PKIA: variants seen among roughly 807,000 people sequenced by gnomAD.
PKIA encodes the protein PKI-alpha.
A neutral mutation model predicts 7.6 loss-of-function variants in PKIA; 4 were observed. The observed-to-expected ratio is 0.52, with a 90% CI of 0.26 to 1.20. The LOEUF (loss-of-function observed/expected upper bound fraction) is 1.20. Among genes scored for constraint, PKIA ranks in the 50% most tolerant of loss-of-function variants. The pLI, the probability that PKIA is intolerant of heterozygous loss-of-function variation, is 0.13. For missense variants in PKIA, 73 were observed against 86.2 expected, an observed-to-expected ratio of 0.85 and a Z score of 0.61; for synonymous variants, 21 against 30.7, an observed-to-expected ratio of 0.68 and a Z score of 1.04.
chr8:78,597,369 C>T (rs1323268673), intron 2 of PKIA, among the ~76,000 whole-genome samples: 1 of 152,142 alleles, frequency 6.6e-6, no homozygotes, highest in Non-Finnish European at 1.5e-5. Context: ...GTGTTTGTTA[C>T]TCCTCTCAAG....
intron 1 of PKIA, among the ~76,000 whole-genome samples, chr8:78,568,101 G>C (rs918907541): frequency 2.0e-5 from 3 of 152,044 alleles, no homozygotes; most frequent in South Asian, 4.1e-4. Context: ...ATTGTTTCTA[G>C]GTTGTCTTAG....
chr8:78,601,871 G>C lies in PKIA; in HGVS notation c.*50G>C, dbSNP rs191674190. On this transcript the variant is annotated 3_prime_UTR_variant, in exon 4 of 4. Coordinates refer to ENST00000396418, the MANE Select transcript of PKIA (RefSeq NM_006823.4). The stretch of plus-strand genomic sequence containing the variant: ...ACCTGAAAATGTCTCAAATCTCCAG[G>C]AGTATCTGGAATGCATTTGTTTCCA... The C allele has an allele frequency of 7.4e-7, 1 of 1,359,634 alleles. No homozygotes were observed. The highest frequency in any genetic ancestry group is 1.0e-6 in the Non-Finnish European group (1 of 954,056). The allele number at this position is 1,359,634 out of a possible 1,614,324, so 84.2% of individuals were successfully genotyped here.
At chr8:78,595,304 C>T (rs1808201535) in intron 2 of PKIA, among the ~76,000 whole-genome samples, 1 of 151,984 alleles carries the variant, frequency 6.6e-6, no homozygotes, top group Admixed American at 6.6e-5. Context: ...TTAAAGACAG[C>T]ATCAGTATAA....
At chr8:78,591,750 C>CT (rs1354963889) in intron 2 of PKIA, among the ~76,000 whole-genome samples, 1 of 152,078 alleles carries the variant, frequency 6.6e-6, no homozygotes, top group Admixed American at 6.5e-5. Context: ...ATTACCTTGT[C>CT]TGTATTCAAT....
intron 1 of PKIA, among the ~76,000 whole-genome samples, chr8:78,536,564 A>G (rs1171878630): frequency 6.6e-6 from 1 of 152,106 alleles, no homozygotes; most frequent in Non-Finnish European, 1.5e-5. Context: ...TAGCCTGAGG[A>G]CAAGGTGGCA....
At chr8:78,558,644 C>T (rs1431638154) in intron 1 of PKIA, 1 of 150,548 alleles carries the variant, frequency 6.6e-6, no homozygotes, top group African/African-American at 2.5e-5. Flanking sequence ...TGGGTCCCTC[C>T]TGTGACATGT....
chr8:78,589,836 C>T (rs1469914207), intron 2 of PKIA, among the ~76,000 whole-genome samples: 1 of 152,100 alleles, frequency 6.6e-6, no homozygotes, highest in African/African-American at 2.4e-5. Flanking sequence ...TCTCATGAAG[C>T]ACTTCTGTTG....
intron 1 of PKIA, among the ~76,000 whole-genome samples, chr8:78,551,835 A>AT (rs1276081942): frequency 6.6e-6 from 1 of 152,008 alleles, no homozygotes; most frequent in Non-Finnish European, 1.5e-5. Context: ...TGCTAATGAA[A>AT]TATCTCTGTT....
At position 78,537,227 on chromosome 8, in the gene PKIA, CCT is replaced by C. The variant is rs1404636406; in HGVS notation, c.-157+20760_-157+20761del. Reference sequence around the variant, plus strand: ...CTCATAAGCTTCTTTCATGGCAAACCCTGATATTTTTTTCCTAGGTAGAAAAT... The same window carrying C: ...CTCATAAGCTTCTTTCATGGCAAACCGATATTTTTTTCCTAGGTAGAAAAT... On this transcript the variant is annotated intron_variant, in intron 1 of 3. Coordinates refer to ENST00000396418, the MANE Select transcript of PKIA (RefSeq NM_006823.4). Among the ~76,000 whole-genome samples the C allele has an allele frequency of 2.0e-3, 298 of 151,476 alleles. 8 individuals are homozygous for C. The highest frequency in any genetic ancestry group is 1.8e-4 in the Non-Finnish European group (12 of 67,860).
At chr8:78,588,228 T>G (rs1807999549) in intron 2 of PKIA, among the ~76,000 whole-genome samples, 1 of 152,080 alleles carries the variant, frequency 6.6e-6, no homozygotes, top group Non-Finnish European at 1.5e-5. Context: ...CTTTGGTACT[T>G]TAAATACTTT....
At chr8:78,568,717 A>G (rs1807477081) in intron 1 of PKIA, among the ~76,000 whole-genome samples, 2 of 152,156 alleles carry the variant, frequency 1.3e-5, no homozygotes, top group Admixed American at 6.6e-5. Context: ...AAAAGCTCCA[A>G]GAAAACTCTG....
chr8:78,548,484 T>G (rs1019865879), intron 1 of PKIA, among the ~76,000 whole-genome samples: 1 of 152,170 alleles, frequency 6.6e-6, no homozygotes, highest in African/African-American at 2.4e-5. Flanking sequence ...CTGATTTGTT[T>G]TGGATTCCGG....
chr8:78,595,916 T>C (rs942134358), intron 2 of PKIA, among the ~76,000 whole-genome samples: 1 of 152,164 alleles, frequency 6.6e-6, no homozygotes, highest in Non-Finnish European at 1.5e-5. Context: ...GGTCTAATGG[T>C]AGTTGTTAGT....
intron 1 of PKIA, among the ~76,000 whole-genome samples, chr8:78,522,235 A>C (rs572312861): frequency 5.9e-5 from 9 of 152,052 alleles, no homozygotes; most frequent in Non-Finnish European, 1.2e-4. Flanking sequence ...AAGGTGCCAT[A>C]ATTTATTTGG....
chr8:78,551,304 G>A (rs1194233080), intron 1 of PKIA, among the ~76,000 whole-genome samples: 2 of 151,990 alleles, frequency 1.3e-5, no homozygotes, highest in Non-Finnish European at 1.5e-5. Context: ...AGTGAAGATA[G>A]GAAAAGGAGC....
chr8:78,598,889 C>A (rs1808291856), intron 3 of PKIA, among the ~76,000 whole-genome samples: 3 of 152,006 alleles, frequency 2.0e-5, no homozygotes, highest in African/African-American at 7.2e-5. Flanking sequence ...ATATTGGCCA[C>A]CTCTAACATT....
intron 2 of PKIA, among the ~76,000 whole-genome samples, chr8:78,593,994 A>T (rs534017110): frequency 1.3e-5 from 2 of 152,342 alleles, no homozygotes; most frequent in East Asian, 3.9e-4. Flanking sequence ...TCTATTTAAC[A>T]TATTCTTATT....
intron 1 of PKIA, among the ~76,000 whole-genome samples, chr8:78,530,063 G>C (rs1305104217): frequency 6.6e-6 from 1 of 151,876 alleles, no homozygotes; most frequent in Admixed American, 6.6e-5. Context: ...AAATATAGTA[G>C]AAGAAGGTAA....
chr8:78,602,924 T>G lies in PKIA; in HGVS notation c.*1103T>G, dbSNP rs1808386969. ...ATCATGTGGACACCAATCACAAAAG[T>G]AAAGCCCTGGTGTTGTGTTTTCATG... On this transcript the variant is annotated 3_prime_UTR_variant, in exon 4 of 4. Transcript: ENST00000396418. 1 of 152,310 alleles carries G rather than the reference T, an allele frequency of 6.6e-6. No homozygotes were observed. 9.4% of individuals were successfully genotyped at this position (152,310 alleles called of 1,614,324 possible).
Sources: gnomAD v4.1 joint callset for allele counts (sites outside exome capture counted in the v4.1 genomes callset) on GRCh38, gnomAD v4.1.1 for gene constraint, MANE v1.5 for transcripts, NCBI Gene and HGNC (gene_info 2026-07-23, HGNC 2026-07-21) for gene names.